The following CPED1 variants were observed in gnomAD, a reference collection of about 807,000 sequenced individuals.
CPED1 encodes cadherin like and PC-esterase domain containing 1, also known as cadherin-like and PC-esterase domain-containing protein 1.
Under a neutral mutation model 128.2 loss-of-function variants are expected in CPED1, and 114 were observed. That is an observed-to-expected ratio of 0.89 (90% CI 0.76 to 1.04). The LOEUF (loss-of-function observed/expected upper bound fraction) is 1.04. Among genes scored for constraint, CPED1 ranks in the 50% least tolerant of loss-of-function variants. CPED1 has a pLI of 0.00. For synonymous variants in CPED1, 462 were observed against 426.7 expected, an observed-to-expected ratio of 1.08 and a Z score of -1.02; for missense variants, 1,211 against 1,207.1, an observed-to-expected ratio of 1.00 and a Z score of -0.05.
At chr7:121,079,622 T>C (rs1788176914) in intron 5 of CPED1, among the ~76,000 whole-genome samples, 1 of 152,258 alleles carries the variant, frequency 6.6e-6, no homozygotes, top group South Asian at 2.1e-4. Context: ...TGCTTTGGCA[T>C]CAGGCCAGTT....
At chr7:121,024,520 C>A (rs3944026) in intron 3 of CPED1, among the ~76,000 whole-genome samples, 120,706 of 152,088 alleles carry the variant, frequency 0.79, 48,183 homozygotes, top group East Asian at 0.94. Context: ...TTCATAGAAA[C>A]CAGACTGGGT....
chr7:121,134,304 A>G (rs1187779516), intron 13 of CPED1, among the ~76,000 whole-genome samples: 1 of 152,102 alleles, frequency 6.6e-6, no homozygotes, highest in Non-Finnish European at 1.5e-5. Context: ...GTCCTGGAGA[A>G]TGTTAAGTGA....
At chr7:121,162,610 T>C (rs557989084) in intron 16 of CPED1, among the ~76,000 whole-genome samples, 1 of 152,316 alleles carries the variant, frequency 6.6e-6, no homozygotes, top group Non-Finnish European at 1.5e-5. Context: ...ATAAAGAGGA[T>C]TTACTAGCAG....
In CPED1 at chr7:121,033,352, G is replaced by A. The variant is rs115859732; in HGVS notation, c.434-13535G>A. Among the ~76,000 whole-genome samples, 832 of 152,264 alleles carry A rather than the reference G, an allele frequency of 5.5e-3. 7 individuals carry two copies. The highest frequency in any genetic ancestry group is 0.019 in the African/African-American group (792 of 41,556). On this transcript the variant is annotated intron_variant, in intron 3 of 22. Coordinates refer to ENST00000310396, the MANE Select transcript of CPED1 (RefSeq NM_024913.5). ...TTCAGAAGCCTTAAATAATAGGCTG[G>A]CAAGACACATAGAAGTCACATTTTG...
In CPED1 at chr7:121,015,646, T is replaced by G; in HGVS notation, c.250-19T>G. 1 of 1,588,912 alleles carries G rather than the reference T, an allele frequency of 6.3e-7. No individual in the cohort carries two copies. Among genetic ancestry groups the G allele is most frequent in the South Asian group, 1.2e-5 (1 of 85,860 alleles). ...TGTACTACTTTTTTATATTGAATTT[T>G]TATGCCTTCTTTTCTTAGGTCAAAG... On this transcript the variant is annotated intron_variant, in intron 2 of 22. Coordinates refer to ENST00000310396, the MANE Select transcript of CPED1 (RefSeq NM_024913.5).
chr7:121,082,773 G>C (rs987958232), intron 5 of CPED1, among the ~76,000 whole-genome samples: 4 of 152,086 alleles, frequency 2.6e-5, no homozygotes, highest in Non-Finnish European at 5.9e-5. Context: ...ATAACTTTGT[G>C]ATAAACTTGA....
chr7:121,121,664 A>G (rs1795392620), intron 7 of CPED1, among the ~76,000 whole-genome samples: 1 of 152,234 alleles, frequency 6.6e-6, no homozygotes, highest in Non-Finnish European at 1.5e-5. Flanking sequence ...AGTCTCCTTA[A>G]TATTTGAGTT....
chr7:121,127,086 A>G lies in CPED1; in HGVS notation c.1135-4A>G. On this transcript the variant is annotated splice_polypyrimidine_tract_variant and splice_region_variant and intron_variant, in intron 9 of 22. Transcript: ENST00000310396. ...ATATTTGCTGTGCTTTTGTTCTTTCAAAGGTACACGAGCATTTAAATTTTC... is the reference window on the plus strand; with the variant it reads ...ATATTTGCTGTGCTTTTGTTCTTTCGAAGGTACACGAGCATTTAAATTTTC... The G allele has an allele frequency of 6.4e-7, 1 of 1,558,228 alleles. No homozygotes were observed. Among genetic ancestry groups the G allele is most frequent in the Non-Finnish European group, 8.6e-7 (1 of 1,157,436 alleles).
At chr7:120,993,403 T>C (rs1244170213) in intron 2 of CPED1, among the ~76,000 whole-genome samples, 1 of 152,226 alleles carries the variant, frequency 6.6e-6, no homozygotes. Flanking sequence ...ACTACTATTT[T>C]GTTGACTGTT....
chr7:121,235,844 CAG>C, intron 16 of CPED1, among the ~76,000 whole-genome samples: 1 of 152,220 alleles, frequency 6.6e-6, no homozygotes, highest in East Asian at 1.9e-4. Flanking sequence ...GCTAGAGTTT[CAG>C]GAAGACCTTG....
intron 14 of CPED1, among the ~76,000 whole-genome samples, chr7:121,137,560 CTA>C: frequency 6.6e-6 from 1 of 152,066 alleles, no homozygotes; most frequent in African/African-American, 2.4e-5. Context: ...TGTTTTATCA[CTA>C]TTGTTAAGGT....
chr7:121,279,345 G>A (rs868425751), intron 22 of CPED1, among the ~76,000 whole-genome samples: 2 of 151,728 alleles, frequency 1.3e-5, no homozygotes, highest in Admixed American at 6.6e-5. Context: ...CATGCATGAA[G>A]TACAGACTAA....
At chr7:121,057,529 T>C (rs1353900380) in intron 4 of CPED1, among the ~76,000 whole-genome samples, 2 of 152,200 alleles carry the variant, frequency 1.3e-5, no homozygotes, top group African/African-American at 4.8e-5. Context: ...GAACATGCAG[T>C]ATTTGATTTT....
chr7:121,156,809 A>C (rs1796295374), intron 16 of CPED1, among the ~76,000 whole-genome samples: 1 of 151,734 alleles, frequency 6.6e-6, no homozygotes, highest in Non-Finnish European at 1.5e-5. Flanking sequence ...AAAATTAAAA[A>C]ATAAAATGTG....
chr7:121,185,140 C>G (rs1402020951), intron 16 of CPED1, among the ~76,000 whole-genome samples: 3 of 152,066 alleles, frequency 2.0e-5, no homozygotes, highest in African/African-American at 7.2e-5. Context: ...AGACCCAAAG[C>G]AGAATCAAAT....
chr7:121,146,757 T>A (rs1796032701), intron 16 of CPED1, among the ~76,000 whole-genome samples: 1 of 152,194 alleles, frequency 6.6e-6, no homozygotes, highest in Admixed American at 6.6e-5. Flanking sequence ...ATTTTAGTTA[T>A]TTTTATGCTA....
intron 5 of CPED1, among the ~76,000 whole-genome samples, chr7:121,088,788 A>AAAAAAAAAAAAAAAAAAAAAAAAC (rs1584503720): frequency 7.1e-6 from 1 of 141,462 alleles, no homozygotes; most frequent in Non-Finnish European, 1.5e-5. Flanking sequence ...AAAAAAAAAA[A>AAAAAAAAAAAAAAAAAAAAAAAAC]AAAATTGAAA....
At chr7:121,005,563 G>T (rs1791990450) in intron 2 of CPED1, among the ~76,000 whole-genome samples, 1 of 152,074 alleles carries the variant, frequency 6.6e-6, no homozygotes, top group East Asian at 1.9e-4. Context: ...ATGACTGTTT[G>T]GGTACAGCAA....
intron 16 of CPED1, among the ~76,000 whole-genome samples, chr7:121,154,974 T>C (rs1352113270): frequency 6.6e-6 from 1 of 152,206 alleles, no homozygotes; most frequent in African/African-American, 2.4e-5. Flanking sequence ...TAGAAAATCC[T>C]AAATACTCTA....
Sources: allele counts gnomAD v4.1 joint callset (sites outside exome capture counted in the v4.1 genomes callset), GRCh38; gene constraint gnomAD v4.1.1; transcripts MANE v1.5; gene names NCBI Gene and HGNC (gene_info 2026-07-23, HGNC 2026-07-21).